The following NRXN1 variants were observed in gnomAD, a reference collection of about 807,000 sequenced individuals.
NRXN1 encodes neurexin-1.
In NRXN1, 39 loss-of-function variants were observed where a neutral mutation model predicts 150.9. The observed-to-expected ratio is 0.26, with a 90% CI of 0.20 to 0.34. The LOEUF (loss-of-function observed/expected upper bound fraction) is 0.34. NRXN1 is among the 10% of genes least tolerant of loss of function. The pLI, the probability that NRXN1 is intolerant of heterozygous loss-of-function variation, is 1.00. For missense variants in NRXN1, 1,815 were observed against 1,949.9 expected, an observed-to-expected ratio of 0.93 and a Z score of 1.30; for synonymous variants, 924 against 757.0, an observed-to-expected ratio of 1.22 and a Z score of -3.62.
intron 5 of NRXN1, among the ~76,000 whole-genome samples, chr2:50,759,797 C>T (rs919759756): frequency 6.7e-6 from 1 of 149,614 alleles, no homozygotes; most frequent in African/African-American, 2.5e-5. Flanking sequence ...CTTTTCTGAC[C>T]AATGCTTAGC....
chr2:50,122,466 A>C (rs186129214), intron 18 of NRXN1, among the ~76,000 whole-genome samples: 99 of 152,314 alleles, frequency 6.5e-4, no homozygotes, highest in African/African-American at 2.2e-3. Context: ...TATATGGGAG[A>C]GATCACAAAA....
At chr2:50,046,526 A>G (rs1395387723) in intron 21 of NRXN1, among the ~76,000 whole-genome samples, 1 of 152,232 alleles carries the variant, frequency 6.6e-6, no homozygotes, top group Non-Finnish European at 1.5e-5. Flanking sequence ...CACCTGTGAC[A>G]GGTACTTTGA....
intron 15 of NRXN1, among the ~76,000 whole-genome samples, chr2:50,493,529 A>G (rs749456079): frequency 7.2e-5 from 11 of 152,114 alleles, no homozygotes; most frequent in Non-Finnish European, 1.5e-4. Context: ...CCTCTTTCCA[A>G]AGTCAATGCT....
At chr2:50,259,277 A>T (rs1329470054) in intron 17 of NRXN1, among the ~76,000 whole-genome samples, 9 of 151,506 alleles carry the variant, frequency 5.9e-5, no homozygotes, top group African/African-American at 1.5e-4. Context: ...TTTTAGCTAA[A>T]TTTTTTTTTA....
At chr2:50,164,056 C>T (rs1173764266) in intron 18 of NRXN1, among the ~76,000 whole-genome samples, 2 of 152,138 alleles carry the variant, frequency 1.3e-5, no homozygotes, top group African/African-American at 4.8e-5. Context: ...TTACATCAGA[C>T]CAATTTCACA....
At chr2:50,378,985 C>T (rs931737665) in intron 17 of NRXN1, among the ~76,000 whole-genome samples, 4 of 152,056 alleles carry the variant, frequency 2.6e-5, no homozygotes, top group African/African-American at 9.7e-5. Flanking sequence ...AGATTATGGA[C>T]CTTGCCTTGG....
At chr2:50,797,837 C>G (rs1707057168) in intron 5 of NRXN1, among the ~76,000 whole-genome samples, 1 of 152,130 alleles carries the variant, frequency 6.6e-6, no homozygotes, top group Non-Finnish European at 1.5e-5. Flanking sequence ...AGAAGCTTCT[C>G]CTAGAGAAAC....
chr2:51,030,598 G>GC (rs1461435538), intron 1 of NRXN1, among the ~76,000 whole-genome samples: 13 of 150,418 alleles, frequency 8.6e-5, no homozygotes, highest in Admixed American at 4.0e-4. Context: ...CATACACACT[G>GC]CCCACTAGCA....
At chr2:49,972,778 G>A (rs999034746) in intron 21 of NRXN1, 1 of 152,128 alleles carries the variant, frequency 6.6e-6, no homozygotes, top group Non-Finnish European at 1.5e-5. Flanking sequence ...ATGACATTCT[G>A]TCTCCTAATT....
At chr2:50,349,723 G>T (rs1426400548) in intron 17 of NRXN1, among the ~76,000 whole-genome samples, 1 of 152,162 alleles carries the variant, frequency 6.6e-6, no homozygotes, top group East Asian at 1.9e-4. Context: ...TTTAAAATAT[G>T]TCAACTGCTC....
chr2:50,917,690 T>C (rs1685410815), intron 5 of NRXN1: 1 of 151,614 alleles, frequency 6.6e-6, no homozygotes, highest in South Asian at 2.1e-4. Context: ...AAGGTAGTGA[T>C]CTATGAACCA....
intron 21 of NRXN1, among the ~76,000 whole-genome samples, chr2:50,005,860 G>A (rs13396316): frequency 0.016 from 2,452 of 152,158 alleles, 61 homozygotes; most frequent in African/African-American, 0.054. Flanking sequence ...TCCATCTGAC[G>A]ATAACTTACT....
chr2:50,699,945 A>G (rs1693488763), intron 5 of NRXN1, among the ~76,000 whole-genome samples: 1 of 152,140 alleles, frequency 6.6e-6, no homozygotes, highest in Non-Finnish European at 1.5e-5. Context: ...TCTAAGCTCC[A>G]AGTACTGCAC....
intron 2 of NRXN1, among the ~76,000 whole-genome samples, chr2:50,983,380 G>A (rs868034938): frequency 6.6e-6 from 1 of 152,096 alleles, no homozygotes; most frequent in African/African-American, 2.4e-5. Context: ...CAAAGAGAGA[G>A]TGTTTCATCC....
intron 17 of NRXN1, among the ~76,000 whole-genome samples, chr2:50,338,706 A>T (rs866350422): frequency 1.1e-4 from 15 of 134,528 alleles, no homozygotes; most frequent in African/African-American, 4.1e-4. Flanking sequence ...TATTAGAAAG[A>T]GAAAAAAAAA....
intron 8 of NRXN1, among the ~76,000 whole-genome samples, chr2:50,587,457 C>A (rs1055546107): frequency 3.3e-5 from 5 of 152,140 alleles, no homozygotes; most frequent in African/African-American, 1.2e-4. Flanking sequence ...TGCACTATAG[C>A]CTGGGTGACA....
At chr2:50,160,886 A>C (rs950338953) in intron 18 of NRXN1, among the ~76,000 whole-genome samples, 1 of 152,138 alleles carries the variant, frequency 6.6e-6, no homozygotes, top group African/African-American at 2.4e-5. Flanking sequence ...AAAATTATAC[A>C]TATCTTTTTT....
intron 19 of NRXN1, among the ~76,000 whole-genome samples, chr2:50,089,050 A>C: frequency 6.6e-6 from 1 of 152,194 alleles, no homozygotes; most frequent in African/African-American, 2.4e-5. Context: ...CAGATACATT[A>C]TGCATATTAA....
intron 17 of NRXN1, among the ~76,000 whole-genome samples, chr2:50,429,925 T>C (rs2084815644): frequency 6.6e-6 from 1 of 152,180 alleles, no homozygotes; most frequent in African/African-American, 2.4e-5. Context: ...TAATTATATA[T>C]CTATTATGAA....
Sources: allele counts gnomAD v4.1 joint callset (sites outside exome capture counted in the v4.1 genomes callset), GRCh38; gene constraint gnomAD v4.1.1; transcripts MANE v1.5; gene names NCBI Gene and HGNC (gene_info 2026-07-23, HGNC 2026-07-21).